Variants in OPCML observed in about 807,000 individuals in gnomAD.
The protein encoded by OPCML is opioid-binding protein/cell adhesion molecule.
In OPCML, 13 loss-of-function variants were observed where a neutral mutation model predicts 37.8. The ratio of observed to expected loss-of-function variants is 0.34; its 90% confidence interval spans 0.22 to 0.55. OPCML has a LOEUF of 0.55. Among genes scored for constraint, OPCML ranks in the 20% least tolerant of loss-of-function variants. OPCML has a pLI of 0.91. For missense variants in OPCML, 341 were observed against 435.6 expected, an observed-to-expected ratio of 0.78 and a Z score of 1.93; for synonymous variants, 176 against 168.8, an observed-to-expected ratio of 1.04 and a Z score of -0.33.
intron 1 of OPCML, among the ~76,000 whole-genome samples, chr11:133,025,790 G>A (rs1343773874): frequency 6.8e-6 from 1 of 147,928 alleles, no homozygotes; most frequent in Non-Finnish European, 1.5e-5. Context: ...CTGGAGTGCA[G>A]TGGTGCGATC....
intron 3 of OPCML, among the ~76,000 whole-genome samples, chr11:132,547,863 G>T (rs556826768): frequency 6.6e-6 from 1 of 152,212 alleles, no homozygotes; most frequent in East Asian, 1.9e-4. Flanking sequence ...GCGTGCATTG[G>T]TGGAAAGTGA....
intron 1 of OPCML, among the ~76,000 whole-genome samples, chr11:133,231,487 A>G (rs940923794): frequency 5.3e-5 from 8 of 152,146 alleles, no homozygotes; most frequent in Non-Finnish European, 8.8e-5. Context: ...TTGGAAAAAC[A>G]TTTCATTGTA....
chr11:132,792,689 C>A (rs1458736290), intron 2 of OPCML, among the ~76,000 whole-genome samples: 1 of 152,086 alleles, frequency 6.6e-6, no homozygotes, highest in Non-Finnish European at 1.5e-5. Context: ...AGGGGATGGG[C>A]GGCCCCCACC....
intron 2 of OPCML, among the ~76,000 whole-genome samples, chr11:132,876,577 G>T (rs1591741195): frequency 6.6e-6 from 1 of 152,116 alleles, no homozygotes; most frequent in African/African-American, 2.4e-5. Flanking sequence ...TGGCTTTTAT[G>T]GTTTATCCTT....
chr11:132,554,891 T>TTTTTTTTTTC (rs1555152066), intron 3 of OPCML, among the ~76,000 whole-genome samples: 1 of 138,896 alleles, frequency 7.2e-6, no homozygotes, highest in African/African-American at 2.9e-5. Flanking sequence ...TTTTTTTTTT[T>TTTTTTTTTTC]CATTAGCTCT....
At chr11:133,038,819 ATGTTGCC>A in intron 1 of OPCML, among the ~76,000 whole-genome samples, 1 of 99,830 alleles carries the variant, frequency 1.0e-5, no homozygotes, top group Non-Finnish European at 1.9e-5. Context: ...TGTTGCCTCT[ATGTTGCC>A]AAAAAAAAAA....
At chr11:132,693,469 T>C (rs931495427) in intron 2 of OPCML, among the ~76,000 whole-genome samples, 4 of 152,174 alleles carry the variant, frequency 2.6e-5, no homozygotes, top group African/African-American at 9.7e-5. Flanking sequence ...ATCAGAAACA[T>C]GCAGCTAACA....
chr11:132,877,321 T>C (rs1054001518), intron 2 of OPCML, among the ~76,000 whole-genome samples: 15 of 152,280 alleles, frequency 9.9e-5, no homozygotes, highest in Admixed American at 2.6e-4. Context: ...AATATTCACT[T>C]GAATAAGGGT....
chr11:132,819,833 G>A (rs1446265930), intron 2 of OPCML, among the ~76,000 whole-genome samples: 2 of 152,114 alleles, frequency 1.3e-5, no homozygotes, highest in African/African-American at 4.8e-5. Flanking sequence ...CAACCAAACA[G>A]CTCGCTAAAA....
rs567379019 is a variant in OPCML, at chr11:132,867,365, A to G, written c.146+75561T>C. On this transcript the variant is annotated intron_variant, in intron 2 of 7. Coordinates refer to ENST00000524381, the MANE Select transcript of OPCML (RefSeq NM_001012393.5). ...CAATAGCCCAAAAGTGCCGAGAACA[A>G]AGGAAATCCGACTGGTGACTGCAGA... 1.4e-4 allele frequency among the ~76,000 whole-genome samples: 21 copies of G among 152,306 alleles called. No individual in the cohort carries two copies. The South Asian group carries it at 4.1e-3, about 30-fold the overall frequency.
intron 2 of OPCML, among the ~76,000 whole-genome samples, chr11:132,765,443 A>G (rs575499252): frequency 6.6e-6 from 1 of 152,350 alleles, no homozygotes; most frequent in South Asian, 2.1e-4. Flanking sequence ...ACGAGGCATG[A>G]GAATCTATGG....
intron 1 of OPCML, among the ~76,000 whole-genome samples, chr11:133,316,156 A>T (rs1943200067): frequency 6.6e-6 from 1 of 152,210 alleles, no homozygotes; most frequent in Non-Finnish European, 1.5e-5. Flanking sequence ...AGAGGAGACC[A>T]GAGTCAGGCT....
intron 3 of OPCML, among the ~76,000 whole-genome samples, chr11:132,656,777 T>C (rs1226387721): frequency 1.3e-5 from 2 of 152,244 alleles, no homozygotes; most frequent in Non-Finnish European, 2.9e-5. Flanking sequence ...TATTTATCTA[T>C]GTTTGCATGT....
intron 2 of OPCML, among the ~76,000 whole-genome samples, chr11:132,874,394 TTCCCTCCCTCCCTCCC>T (rs769347911): frequency 6.8e-6 from 1 of 146,800 alleles, no homozygotes; most frequent in Non-Finnish European, 1.5e-5. Context: ...TCTTTTATCT[TTCCCTCCCTCCCTCCC>T]TCCCTCCCTC....
At chr11:132,942,034 T>C (rs760886291) in intron 2 of OPCML, among the ~76,000 whole-genome samples, 1 of 152,176 alleles carries the variant, frequency 6.6e-6, no homozygotes, top group Non-Finnish European at 1.5e-5. Context: ...GCATTCGCCC[T>C]GTGTACATTG....
At chr11:132,819,837 G>C (rs775322089) in intron 2 of OPCML, among the ~76,000 whole-genome samples, 1 of 152,196 alleles carries the variant, frequency 6.6e-6, no homozygotes, top group Non-Finnish European at 1.5e-5. Context: ...CAAACAGCTC[G>C]CTAAAAAACA....
At chr11:132,720,719 T>A (rs1210984210) in intron 2 of OPCML, among the ~76,000 whole-genome samples, 1 of 152,196 alleles carries the variant, frequency 6.6e-6, no homozygotes, top group Non-Finnish European at 1.5e-5. Context: ...AAGACTGACC[T>A]AGGATCCAAT....
chr11:132,518,300 C>T (rs1398158820), intron 4 of OPCML, among the ~76,000 whole-genome samples: 1 of 152,092 alleles, frequency 6.6e-6, no homozygotes, highest in African/African-American at 2.4e-5. Context: ...TTGTTCAACA[C>T]CCACTTATGA....
At chr11:132,580,240 T>C (rs2096459560) in intron 3 of OPCML, among the ~76,000 whole-genome samples, 1 of 152,146 alleles carries the variant, frequency 6.6e-6, no homozygotes, top group African/African-American at 2.4e-5. Context: ...AACTTAATTA[T>C]CCAATAATAG....
Sources: gnomAD v4.1 joint callset for allele counts (sites outside exome capture counted in the v4.1 genomes callset) on GRCh38, gnomAD v4.1.1 for gene constraint, MANE v1.5 for transcripts, NCBI Gene and HGNC (gene_info 2026-07-23, HGNC 2026-07-21) for gene names.